PBRM1: variants seen among roughly 807,000 people sequenced by gnomAD.
The protein encoded by PBRM1 is protein polybromo-1.
PBRM1 carries 27 observed loss-of-function variants against 194.5 expected under a neutral mutation model. That is an observed-to-expected ratio of 0.14 (90% CI 0.10 to 0.19). PBRM1 has a LOEUF of 0.19. Ranked by LOEUF, PBRM1 falls within the 10% of genes least tolerant of loss-of-function variation. The pLI, the probability that PBRM1 is intolerant of heterozygous loss-of-function variation, is 1.00. For synonymous variants in PBRM1, 655 were observed against 693.2 expected (o/e 0.94, Z 0.87); for missense variants, 1,466 against 2,077.2 (o/e 0.71, Z 5.72).
At chr3:52,621,116 T>G (rs891695347) in intron 13 of PBRM1, among the ~76,000 whole-genome samples, 2 of 152,226 alleles carry the variant, frequency 1.3e-5, no homozygotes, top group Non-Finnish European at 2.9e-5. Context: ...TTTAAAATAC[T>G]TTCTGAAATG....
chr3:52,551,578 A>T (rs1472205634), intron 27 of PBRM1, among the ~76,000 whole-genome samples: 1 of 152,102 alleles, frequency 6.6e-6, no homozygotes, highest in Non-Finnish European at 1.5e-5. Context: ...GGCACAGCTG[A>T]TAATAATGAG....
intron 4 of PBRM1, among the ~76,000 whole-genome samples, chr3:52,661,104 C>T (rs1308491261): frequency 1.3e-5 from 2 of 152,112 alleles, no homozygotes; most frequent in African/African-American, 4.8e-5. Flanking sequence ...CGGCTCACTG[C>T]ACCCTCCACC....
At chr3:52,674,409 A>T (rs2154025931) in intron 2 of PBRM1, among the ~76,000 whole-genome samples, 1 of 150,366 alleles carries the variant, frequency 6.7e-6, no homozygotes, top group East Asian at 2.0e-4. Flanking sequence ...TGAACCTGGG[A>T]AACGGAGGTT....
chr3:52,608,267 T>A (rs2094449324), intron 16 of PBRM1, among the ~76,000 whole-genome samples: 1 of 152,164 alleles, frequency 6.6e-6, no homozygotes, highest in South Asian at 2.1e-4. Context: ...GCAAGACAAG[T>A]CACATCATTT....
chr3:52,641,465 A>AAAG (rs2096080595), intron 10 of PBRM1, among the ~76,000 whole-genome samples: 2 of 131,268 alleles, frequency 1.5e-5, no homozygotes, highest in African/African-American at 7.2e-5. Context: ...AAAAAAAAAG[A>AAAG]AAAAAAAAAG....
chr3:52,584,364 G>A (rs1206681605), intron 20 of PBRM1, among the ~76,000 whole-genome samples: 2 of 150,414 alleles, frequency 1.3e-5, no homozygotes, highest in Non-Finnish European at 2.9e-5. Context: ...ATTTACATAT[G>A]GATTTTGAAA....
At chr3:52,640,173 C>T (rs988899079) in intron 10 of PBRM1, among the ~76,000 whole-genome samples, 15 of 152,122 alleles carry the variant, frequency 9.9e-5, no homozygotes, top group Admixed American at 2.0e-4. Context: ...TATCAAAAGT[C>T]AGTGTAGCTA....
intron 2 of PBRM1, among the ~76,000 whole-genome samples, chr3:52,675,409 C>T (rs571186646): frequency 5.6e-4 from 86 of 152,304 alleles, no homozygotes; most frequent in African/African-American, 2.0e-3. Flanking sequence ...AAAGATACTA[C>T]AAGAAAACTA....
intron 17 of PBRM1, among the ~76,000 whole-genome samples, chr3:52,597,864 C>T (rs558722167): frequency 4.5e-4 from 69 of 152,170 alleles, no homozygotes; most frequent in African/African-American, 1.6e-3. Context: ...CCACCACACC[C>T]GGCTAATTTT....
rs556132432 is a variant in PBRM1, at chr3:52,649,211, C to T, written c.715-769G>A. On this transcript the variant is annotated intron_variant, in intron 6 of 29. Coordinates refer to ENST00000296302, the Ensembl canonical transcript of PBRM1. ...TGCCTCGTGGGACTACCAACAACTA[C>T]GCATCCTTCTTACACGGAGGGAATC... Among the ~76,000 whole-genome samples, 29 of 152,258 alleles carry T rather than the reference C, an allele frequency of 1.9e-4. 1 individual carries two copies. The South Asian group carries it at 2.3e-3, about 12-fold the overall frequency.
chr3:52,622,438 T>C (rs1297495310), intron 13 of PBRM1, among the ~76,000 whole-genome samples: 3 of 152,214 alleles, frequency 2.0e-5, no homozygotes, highest in Non-Finnish European at 4.4e-5. Context: ...TAGAATTTCA[T>C]AGGAAATGGG....
At chr3:52,597,859 A>G (rs2093688501) in intron 17 of PBRM1, among the ~76,000 whole-genome samples, 1 of 152,116 alleles carries the variant, frequency 6.6e-6, no homozygotes, top group Non-Finnish European at 1.5e-5. Flanking sequence ...ATGTACCACC[A>G]CACCCGGCTA....
rs778215010 is a variant in PBRM1 at position 52,564,087 on chromosome 3, A to G, written c.3838T>C (p.Ser1280Pro). The change falls in exon 23 of 30, where the codon TCT (serine) becomes CCT (proline). Residue 1280 changes from serine (S) to proline (P), a missense_variant. By Grantham distance (74) the Ser-to-Pro change is moderately conservative. Around this residue, in one of 5 missense-constraint regions of PBRM1, gnomAD observed 687 missense variants for 946.2 expected, o/e 0.73. Transcript: ENST00000296302. ...ATTTCATCATCTACCACTTTAGCAG[A>G]GAGTGAAAACCTCTTCAATCCTTTG... is the stretch of plus-strand genomic sequence containing the variant. 1.1e-5 allele frequency: 18 copies of G among 1,613,468 alleles called. No homozygotes were observed. In the East Asian group the frequency reaches 4.0e-4, roughly 36 times the overall value.
chr3:52,604,911 G>A lies in PBRM1; in HGVS notation c.2568-1179C>T, dbSNP rs1318686768. On this transcript the variant is annotated intron_variant, in intron 16 of 29. Transcript: ENST00000296302. ...GGAGGTTGCAGTGAGCCAAGATCGC[G>A]CCGCTGCACTCTAGTCTGGGCAACA... Among the ~76,000 whole-genome samples the A allele has an allele frequency of 2.6e-5, 4 of 151,592 alleles. No individual in the cohort carries two copies. The East Asian group carries it at 7.7e-4, about 29-fold the overall frequency.
chr3:52,602,839 G>A (rs1015740405), intron 17 of PBRM1, among the ~76,000 whole-genome samples: 6 of 152,128 alleles, frequency 3.9e-5, no homozygotes, highest in African/African-American at 7.2e-5. Context: ...TCGCTTATAA[G>A]AATTTGCTTC....
At chr3:52,591,399 G>A (rs1431998129) in intron 17 of PBRM1, among the ~76,000 whole-genome samples, 5 of 151,832 alleles carry the variant, frequency 3.3e-5, no homozygotes, top group Non-Finnish European at 5.9e-5. Flanking sequence ...CTTTGTAATA[G>A]ATGGCTCTTA....
chr3:52,558,492 A>G, intron 25 of PBRM1, 79 bp from the exon 28 acceptor site: 1 of 1,233,806 alleles, frequency 8.1e-7, no homozygotes, highest in Non-Finnish European at 1.1e-6. Flanking sequence ...CAACAGGACT[A>G]GTAAAAACAC....
chr3:52,605,796 C>T (rs2094314809), intron 16 of PBRM1, among the ~76,000 whole-genome samples: 1 of 151,598 alleles, frequency 6.6e-6, no homozygotes, highest in African/African-American at 2.4e-5. Flanking sequence ...AGAAACGAGG[C>T]TTCACCATGT....
intron 16 of PBRM1, among the ~76,000 whole-genome samples, chr3:52,604,157 A>G (rs1259393529): frequency 2.6e-5 from 4 of 152,218 alleles, no homozygotes; most frequent in African/African-American, 9.6e-5. Context: ...GTTACATAAT[A>G]GGCTCTATTT....
Sources: gnomAD v4.1 joint callset for allele counts (sites outside exome capture counted in the v4.1 genomes callset) on GRCh38, gnomAD v4.1.1 for gene constraint, gnomAD v4.1.1 regional missense constraint, MANE v1.5 for transcripts, NCBI Gene and HGNC (gene_info 2026-07-23, HGNC 2026-07-21) for gene names.